AGBL1: variants seen among roughly 807,000 people sequenced by gnomAD.
AGBL1 encodes cytosolic carboxypeptidase 4.
Under a neutral mutation model 118.9 loss-of-function variants are expected in AGBL1, and 130 were observed. The observed-to-expected ratio is 1.09, with a 90% CI of 0.95 to 1.26. The LOEUF (loss-of-function observed/expected upper bound fraction) is 1.26, where lower values mean the gene tolerates loss of function less well. AGBL1 is among the 50% of genes most tolerant of loss of function. The probability of loss-of-function intolerance (pLI) is 0.00; values close to 1 mark genes in which losing one functional copy is unlikely to be tolerated. For missense variants in AGBL1, 1,584 were observed against 1,298.1 expected (o/e 1.22, Z -3.38); for synonymous variants, 555 against 478.9 (o/e 1.16, Z -2.08).
At chr15:86,555,830 CAT>C (rs2083726054) in intron 21 of AGBL1, among the ~76,000 whole-genome samples, 1 of 152,130 alleles carries the variant, frequency 6.6e-6, no homozygotes, top group East Asian at 1.9e-4. Flanking sequence ...TAAAAGAAAA[CAT>C]ATATGTGAAT....
At chr15:86,919,635 C>T (rs2080464992), downstream of AGBL1, among the ~76,000 whole-genome samples, 1 of 151,480 alleles carries the variant, frequency 6.6e-6, no homozygotes, top group South Asian at 2.1e-4. Flanking sequence ...AGGAAAAACT[C>T]TTATATGAAT....
rs185528360 is a variant in AGBL1, at chr15:86,635,146, A to G, written c.2995-39127A>G. 1.1e-3 allele frequency among the ~76,000 whole-genome samples: 164 copies of G among 152,128 alleles called. 1 individual carries two copies. Among genetic ancestry groups the G allele is most frequent in the African/African-American group, 3.8e-3 (157 of 41,506 alleles). On this transcript the variant is annotated intron_variant, in intron 21 of 22. Coordinates refer to ENST00000614907, the MANE Select transcript of AGBL1 (RefSeq NM_001386094.1). Reference sequence around the variant, plus strand: ...AGAGAAAAGAATGAGTGCTTCCTTCATATTTTCTTCTTTTAAGACTAAAAG... The same window carrying G: ...AGAGAAAAGAATGAGTGCTTCCTTCGTATTTTCTTCTTTTAAGACTAAAAG...
intron 24 of AGBL1, among the ~76,000 whole-genome samples, chr15:86,993,551 G>T (rs1274770159): frequency 6.6e-6 from 1 of 152,152 alleles, no homozygotes; most frequent in Non-Finnish European, 1.5e-5. Context: ...GTCTGAGGGA[G>T]GTTTCTGAGG....
intron 21 of AGBL1, among the ~76,000 whole-genome samples, chr15:86,559,163 T>C (rs1354137472): frequency 1.3e-5 from 2 of 152,192 alleles, no homozygotes; most frequent in Non-Finnish European, 1.5e-5. Flanking sequence ...ACACCAGACA[T>C]ACTGGAATAA....
chr15:86,324,810 TG>T (rs2080161262), intron 17 of AGBL1, among the ~76,000 whole-genome samples: 1 of 152,178 alleles, frequency 6.6e-6, no homozygotes, highest in Non-Finnish European at 1.5e-5. Context: ...CACAAGAGTT[TG>T]CCATTTGAGA....
chr15:86,187,257 T>C (rs994678607), intron 5 of AGBL1, among the ~76,000 whole-genome samples: 3 of 152,202 alleles, frequency 2.0e-5, no homozygotes, highest in African/African-American at 4.8e-5. Flanking sequence ...CGAGGTTTTT[T>C]AAAGCGGAAG....
At chr15:86,686,704 TG>T (rs1007086183) in intron 22 of AGBL1, among the ~76,000 whole-genome samples, 38 of 152,282 alleles carry the variant, frequency 2.5e-4, no homozygotes, top group African/African-American at 8.7e-4. Context: ...CCCAAAGTGC[TG>T]GGATTACAGG....
rs2079594925 is a variant in AGBL1 at position 86,864,143 on chromosome 15, C to T, written c.3159-42944C>T. On this transcript the variant is annotated intron_variant, in intron 22 of 22. Coordinates refer to ENST00000614907, the MANE Select transcript of AGBL1 (RefSeq NM_001386094.1). ...GAAATAGCTGCCAGAGGCTCTTTCT[C>T]TTGAGTTGAATGTAAGAAAGAAGGC... 2.0e-5 allele frequency among the ~76,000 whole-genome samples: 3 copies of T among 152,114 alleles called. No individual in the cohort carries two copies. In the South Asian group the frequency reaches 6.2e-4, roughly 32 times the overall value.
chr15:86,196,102 GT>G (rs1414499880), intron 5 of AGBL1, among the ~76,000 whole-genome samples: 1 of 152,014 alleles, frequency 6.6e-6, no homozygotes, highest in African/African-American at 2.4e-5. Flanking sequence ...TGATTTTTTA[GT>G]TTTTTTCAGA....
chr15:86,535,803 T>C (rs1054050228), intron 19 of AGBL1, among the ~76,000 whole-genome samples: 4 of 152,244 alleles, frequency 2.6e-5, no homozygotes, highest in Non-Finnish European at 5.9e-5. Flanking sequence ...GGATGGCGTA[T>C]TCCTTTCTAT....
intron 13 of AGBL1, among the ~76,000 whole-genome samples, chr15:86,269,408 T>C (rs1453807083): frequency 3.3e-5 from 5 of 152,234 alleles, no homozygotes; most frequent in African/African-American, 9.6e-5. Context: ...CCAGATGTGA[T>C]TGAATTTTCT....
chr15:86,514,059 A>G (rs2083085250), intron 18 of AGBL1, among the ~76,000 whole-genome samples: 1 of 151,884 alleles, frequency 6.6e-6, no homozygotes, highest in Non-Finnish European at 1.5e-5. Flanking sequence ...GGAACTAGAT[A>G]TGTTTCTTGC....
At chr15:86,336,979 CTG>C (rs1174491362) in intron 17 of AGBL1, among the ~76,000 whole-genome samples, 1 of 142,200 alleles carries the variant, frequency 7.0e-6, no homozygotes, top group Non-Finnish European at 1.5e-5. Context: ...CCACAAGACT[CTG>C]TATTTCTAGA....
chr15:86,841,828 C>T lies in AGBL1; in HGVS notation c.3159-65259C>T, dbSNP rs574131172. 3.9e-5 allele frequency among the ~76,000 whole-genome samples: 6 copies of T among 152,182 alleles called. No homozygotes were observed. In the South Asian group the frequency reaches 1.2e-3, roughly 32 times the overall value. Reference sequence around the variant, plus strand: ...CACCATTGCACTCCAGCCTGGGCAACAAGAGTGAAACTCCATCTCAAAAAA... The same window carrying T: ...CACCATTGCACTCCAGCCTGGGCAATAAGAGTGAAACTCCATCTCAAAAAA... On this transcript the variant is annotated intron_variant, in intron 22 of 22. Transcript: ENST00000614907.
At chr15:86,895,460 T>C (rs2141567536) in intron 22 of AGBL1, among the ~76,000 whole-genome samples, 1 of 152,010 alleles carries the variant, frequency 6.6e-6, no homozygotes, top group Non-Finnish European at 1.5e-5. Flanking sequence ...TTCTTCTTAC[T>C]AAGCTATATA....
chr15:86,189,051 G>A (rs577253110), intron 5 of AGBL1, among the ~76,000 whole-genome samples: 70 of 152,290 alleles, frequency 4.6e-4, no homozygotes, highest in Non-Finnish European at 9.0e-4. Context: ...GACAGCTTCA[G>A]AATTGAGAAA....
chr15:86,304,611 C>G (rs1231009268), intron 17 of AGBL1, among the ~76,000 whole-genome samples: 1 of 152,172 alleles, frequency 6.6e-6, no homozygotes, highest in African/African-American at 2.4e-5. Flanking sequence ...AATCCCTGAA[C>G]CTGTTCTTGC....
intron 1 of AGBL1, among the ~76,000 whole-genome samples, chr15:86,121,916 T>G (rs1396316331): frequency 6.6e-6 from 1 of 152,200 alleles, no homozygotes; most frequent in Non-Finnish European, 1.5e-5. Flanking sequence ...TGAAACAAAT[T>G]TGGCTTTTTG....
chr15:86,890,131 A>G (rs1047372503), intron 22 of AGBL1, among the ~76,000 whole-genome samples: 25 of 152,168 alleles, frequency 1.6e-4, no homozygotes, highest in African/African-American at 6.0e-4. Flanking sequence ...TTTGATTTGT[A>G]TTTCTCTAAT....
Sources: gnomAD v4.1 joint callset for allele counts (sites outside exome capture counted in the v4.1 genomes callset) on GRCh38, gnomAD v4.1.1 for gene constraint, MANE v1.5 for transcripts, NCBI Gene and HGNC (gene_info 2026-07-23, HGNC 2026-07-21) for gene names.